The following CARF variants were observed in gnomAD, a reference collection of about 807,000 sequenced individuals.
CARF encodes calcium responsive transcription factor, also known as calcium-responsive transcription factor.
In CARF, 57 loss-of-function variants were observed where a neutral mutation model predicts 82.0. That is an observed-to-expected ratio of 0.70 (90% CI 0.56 to 0.87). The LOEUF is 0.87. CARF is among the 40% of genes least tolerant of loss of function. The pLI is 0.00. For synonymous variants in CARF, 268 were observed against 290.1 expected (o/e 0.92, Z 0.77); for missense variants, 771 against 855.8 (o/e 0.90, Z 1.24).
intron 2 of CARF, among the ~76,000 whole-genome samples, chr2:202,918,733 C>A (rs894343659): frequency 6.6e-6 from 1 of 152,066 alleles, no homozygotes; most frequent in Non-Finnish European, 1.5e-5. Flanking sequence ...TAATACTTTT[C>A]ACTGCATCCA....
intron 3 of CARF, among the ~76,000 whole-genome samples, chr2:202,941,252 CT>C (rs1251249474): frequency 6.6e-6 from 1 of 152,082 alleles, no homozygotes; most frequent in Non-Finnish European, 1.5e-5. Context: ...TAAAAATGGA[CT>C]GATTTTGTAG....
chr2:202,948,748 G>A (rs554615823), intron 5 of CARF, among the ~76,000 whole-genome samples: 6 of 152,208 alleles, frequency 3.9e-5, no homozygotes, highest in South Asian at 2.1e-4. Flanking sequence ...GCTTTTGGAC[G>A]GAGAATATGG....
At chr2:202,915,685 G>A (rs1276229540) in intron 1 of CARF, among the ~76,000 whole-genome samples, 3 of 151,854 alleles carry the variant, frequency 2.0e-5, no homozygotes, top group African/African-American at 7.3e-5. Flanking sequence ...GGCCAGGATG[G>A]TCTCAATCTC....
At chr2:202,942,599 G>A (rs2058282544) in intron 4 of CARF, 141 bp from the exon 5 acceptor site, 1 of 1,018,858 alleles carries the variant, frequency 9.8e-7, no homozygotes, top group Middle Eastern at 3.3e-4. Flanking sequence ...AATACTTTCT[G>A]TGTATAGCAA....
intron 10 of CARF, among the ~76,000 whole-genome samples, chr2:202,968,090 A>G (rs1476855435): frequency 6.6e-6 from 1 of 152,198 alleles, no homozygotes; most frequent in Non-Finnish European, 1.5e-5. Context: ...TTTTAGCATC[A>G]CATCTCACAT....
chr2:202,948,748 GGA>G (rs2058618774), intron 5 of CARF, among the ~76,000 whole-genome samples: 1 of 152,090 alleles, frequency 6.6e-6, no homozygotes, highest in African/African-American at 2.4e-5. Flanking sequence ...GCTTTTGGAC[GGA>G]GAATATGGGG....
rs1031537049 is a variant in CARF, at chr2:202,939,098, C to T, written c.-43-2762C>T. Among the ~76,000 whole-genome samples, 7 of 152,044 alleles carry T rather than the reference C, an allele frequency of 4.6e-5. 1 individual carries two copies. Among genetic ancestry groups the T allele is most frequent in the Non-Finnish European group, 1.0e-4 (7 of 68,024 alleles). On this transcript the variant is annotated intron_variant, in intron 3 of 16. Transcript: ENST00000438828. Reference sequence around the variant, plus strand: ...TGCTGTTCCTCTTTAGAATGTTGCACGTTCACTACATTGAGTATGGGTTTC... The same window carrying T: ...TGCTGTTCCTCTTTAGAATGTTGCATGTTCACTACATTGAGTATGGGTTTC...
Position 202,987,719 on chromosome 2 carries a change from A to C in CARF, c.*4095A>C, listed in dbSNP as rs549443118. Among the ~76,000 whole-genome samples the C allele has an allele frequency of 1.6e-3, 243 of 152,310 alleles. No individual in the cohort carries two copies. The highest frequency in any genetic ancestry group is 5.7e-3 in the African/African-American group (237 of 41,576). On this transcript the variant is annotated 3_prime_UTR_variant, in exon 17 of 17. Transcript: ENST00000438828. Reference sequence around the variant, plus strand: ...ATAATGTGTATGGTTAATATGGAAAACCTTTGGTAATGTGATTTGGGTATA... The same window carrying C: ...ATAATGTGTATGGTTAATATGGAAACCCTTTGGTAATGTGATTTGGGTATA...
At chr2:202,967,331 C>T (rs981487217) in intron 10 of CARF, among the ~76,000 whole-genome samples, 6 of 152,162 alleles carry the variant, frequency 3.9e-5, no homozygotes, top group Non-Finnish European at 8.8e-5. Flanking sequence ...ACAGAGATCT[C>T]CTTCTTTACC....
intron 1 of CARF, among the ~76,000 whole-genome samples, chr2:202,915,126 C>G (rs1302193837): frequency 6.6e-6 from 1 of 151,550 alleles, no homozygotes; most frequent in African/African-American, 2.4e-5. Context: ...AAGCGATTCT[C>G]CTGCCTCAGC....
chr2:202,943,157 T>TGA (rs2058313865), intron 5 of CARF, among the ~76,000 whole-genome samples, 190 bp downstream of exon 5: 1 of 152,148 alleles, frequency 6.6e-6, no homozygotes, highest in African/African-American at 2.4e-5. Context: ...CTGCAACCTC[T>TGA]GCCTTCCGAG....
rs369340033 is a variant in CARF at position 202,979,877 on chromosome 2, A to G, written c.1559-1678A>G. Reference sequence around the variant, plus strand: ...GGTGACACAGAAAGCCAGTGCTTAAATCCATTCTTCTCTGATACTCTGGCC... The same window carrying G: ...GGTGACACAGAAAGCCAGTGCTTAAGTCCATTCTTCTCTGATACTCTGGCC... On this transcript the variant is annotated intron_variant, in intron 14 of 16. Coordinates refer to ENST00000438828, the MANE Select transcript of CARF (RefSeq NM_024744.17). 3.3e-5 allele frequency among the ~76,000 whole-genome samples: 5 copies of G among 152,326 alleles called. No individual in the cohort carries two copies. In the East Asian group the frequency reaches 5.8e-4, roughly 18 times the overall value.
At chr2:202,919,589 C>G (rs996830453) in intron 2 of CARF, among the ~76,000 whole-genome samples, 1 of 152,060 alleles carries the variant, frequency 6.6e-6, no homozygotes, top group Non-Finnish European at 1.5e-5. Context: ...TTGTATGTTA[C>G]GGTACTGCTT....
chr2:202,930,311 TG>T (rs1692650199), intron 3 of CARF, among the ~76,000 whole-genome samples: 1 of 152,226 alleles, frequency 6.6e-6, no homozygotes, highest in Non-Finnish European at 1.5e-5. Flanking sequence ...CTTTCCAAAG[TG>T]CTGGGATTAC....
Position 202,971,530 on chromosome 2 carries a change from C to T in CARF, c.1123C>T (p.Gln375Ter). The change falls in exon 12 of 17, where the codon CAA becomes TAA. Residue 375 changes from glutamine (Q) to a stop codon, truncating the protein, a stop_gained. Coordinates refer to ENST00000438828, the MANE Select transcript of CARF (RefSeq NM_024744.17). LOFTEE classifies it high-confidence loss of function. ...LRWYVQLPTQ[Q>*]AHQYHELETP... ...GTGGTATGTACAGTTACCTACACAGCAAGCTCATCAGTATCATGAATTAGA... is the reference window on the plus strand; with the variant it reads ...GTGGTATGTACAGTTACCTACACAGTAAGCTCATCAGTATCATGAATTAGA... 1 of 1,612,684 alleles carries T rather than the reference C, an allele frequency of 6.2e-7. No homozygotes were observed. Among genetic ancestry groups the T allele is most frequent in the Non-Finnish European group, 8.5e-7 (1 of 1,179,054 alleles).
At chr2:202,940,636 CTTCACCCAGAACCT>C (rs1209828422) in intron 3 of CARF, among the ~76,000 whole-genome samples, 1 of 152,160 alleles carries the variant, frequency 6.6e-6, no homozygotes, top group Non-Finnish European at 1.5e-5. Flanking sequence ...AGGTTACACT[CTTCACCCAGAACCT>C]TTCAGATTGT....
At chr2:202,936,244 GT>G (rs1693921079) in intron 3 of CARF, among the ~76,000 whole-genome samples, 1 of 151,926 alleles carries the variant, frequency 6.6e-6, no homozygotes, top group African/African-American at 2.4e-5. Context: ...GCATATATAT[GT>G]ACACACACAT....
chr2:202,959,883 A>T (rs1360585721), intron 8 of CARF, among the ~76,000 whole-genome samples: 1 of 152,100 alleles, frequency 6.6e-6, no homozygotes, highest in East Asian at 1.9e-4. Context: ...TTGTATATAG[A>T]TAATATCAAT....
In CARF at chr2:202,924,409, G is replaced by A. The variant is rs532372047; in HGVS notation, c.-50G>A. Reference sequence around the variant, plus strand: ...CCATTTCAAGTTGATTTGCTATCTGGTGTGAGGTAAGGGTCAAGGTTTATT... The same window carrying A: ...CCATTTCAAGTTGATTTGCTATCTGATGTGAGGTAAGGGTCAAGGTTTATT... On this transcript the variant is annotated 5_prime_UTR_variant, in exon 3 of 17. The change creates a new upstream start codon in the 5' untranslated region. Transcript: ENST00000438828. 6 of 152,280 alleles carry A rather than the reference G, an allele frequency of 3.9e-5. No homozygotes were observed. Among genetic ancestry groups the A allele is most frequent in the African/African-American group, 1.4e-4 (6 of 41,558 alleles). The allele number at this position is 152,280 out of a possible 1,614,324, so 9.4% of individuals were successfully genotyped here.
Sources: allele counts gnomAD v4.1 joint callset (sites outside exome capture counted in the v4.1 genomes callset), GRCh38; gene constraint gnomAD v4.1.1; transcripts MANE v1.5; gene names NCBI Gene and HGNC (gene_info 2026-07-23, HGNC 2026-07-21).